Variants in ADGRV1 observed in about 807,000 individuals in gnomAD.
The protein encoded by ADGRV1 is adhesion G protein-coupled receptor V1, also known as G-protein coupled receptor 98.
ADGRV1 carries 359 observed loss-of-function variants against 596.2 expected under a neutral mutation model. The observed-to-expected ratio is 0.60, with a 90% CI of 0.55 to 0.66. The LOEUF is 0.66. ADGRV1 is among the 30% of genes least tolerant of loss of function. The pLI is 0.00. For synonymous variants in ADGRV1, 2,681 were observed against 2,679.2 expected (o/e 1.00, Z -0.02); for missense variants, 7,274 against 7,575.6 (o/e 0.96, Z 1.48).
intron 87 of ADGRV1, among the ~76,000 whole-genome samples, chr5:91,132,656 C>T (rs1179271292): frequency 6.6e-6 from 1 of 152,180 alleles, no homozygotes; most frequent in Non-Finnish European, 1.5e-5. Context: ...GGGGGAATTC[C>T]TGAGGAAGTG....
At chr5:90,722,277 A>C (rs1751146387) in intron 45 of ADGRV1, among the ~76,000 whole-genome samples, 1 of 152,124 alleles carries the variant, frequency 6.6e-6, no homozygotes, top group Non-Finnish European at 1.5e-5. Flanking sequence ...GTTGGATGGG[A>C]GAAGGGGTTC....
At position 90,637,827 on chromosome 5, in the gene ADGRV1, A is replaced by T. The variant is rs200897149; in HGVS notation, c.2119A>T (p.Ile707Leu). The part of the protein sequence containing the change: ...FNSKAVTPDD[I>L]GPFNGSVLFL... The stretch of plus-strand genomic sequence containing the variant: ...TTCAAAAGCAGTGACCCCGGATGAT[A>T]TAGGCCCCTTTAATGGCTCTGTTTT... The change falls in exon 11 of 90, where the codon ATA (isoleucine) becomes TTA (leucine). Residue 707 changes from isoleucine to leucine, a missense_variant. By Grantham distance (5) the Ile-to-Leu change is conservative. Coordinates refer to ENST00000405460, the MANE Select transcript of ADGRV1 (RefSeq NM_032119.4). 2.1e-4 allele frequency: 333 copies of T among 1,613,764 alleles called. 1 individual carries two copies. The African/African-American group carries it at 4.1e-3, about 20-fold the overall frequency.
At chr5:90,788,010 T>C in intron 67 of ADGRV1, 61 bp from the exon 68 acceptor site, 1 of 1,273,162 alleles carries the variant, frequency 7.9e-7, no homozygotes, top group Non-Finnish European at 1.1e-6. Context: ...TACCCTGAAA[T>C]AGTTTTTTGC....
chr5:90,593,648 G>A (rs1759835979), intron 1 of ADGRV1, among the ~76,000 whole-genome samples: 1 of 151,938 alleles, frequency 6.6e-6, no homozygotes, highest in Admixed American at 6.6e-5. Context: ...ACGCTGCTTG[G>A]GTGAGGGGTG....
chr5:90,777,483 A>G (rs1758370054), intron 61 of ADGRV1, among the ~76,000 whole-genome samples: 1 of 152,152 alleles, frequency 6.6e-6, no homozygotes, highest in South Asian at 2.1e-4. Flanking sequence ...GTTTGACTTT[A>G]TACTTTATCC....
intron 87 of ADGRV1, among the ~76,000 whole-genome samples, chr5:91,148,236 A>G (rs1451132017): frequency 6.6e-6 from 1 of 152,236 alleles, no homozygotes; most frequent in Non-Finnish European, 1.5e-5. Flanking sequence ...AGTAATGAGG[A>G]GCCAAATGTT....
intron 74 of ADGRV1, among the ~76,000 whole-genome samples, chr5:90,813,089 C>T (rs2438375): frequency 0.79 from 109,632 of 137,932 alleles, 46,620 homozygotes; most frequent in Non-Finnish European, 0.94. Flanking sequence ...GCCCAGATCA[C>T]GCCACTACAC....
intron 85 of ADGRV1, among the ~76,000 whole-genome samples, chr5:90,998,375 T>C (rs140086537): frequency 6.6e-6 from 1 of 152,260 alleles, no homozygotes; most frequent in East Asian, 1.9e-4. Context: ...ATGTGCACTT[T>C]CCAATTTACT....
At chr5:90,803,715 T>C (rs1343895839) in intron 71 of ADGRV1, among the ~76,000 whole-genome samples, 1 of 152,282 alleles carries the variant, frequency 6.6e-6, no homozygotes, top group East Asian at 1.9e-4. Flanking sequence ...TTAAAATAAC[T>C]GAGAGTAAAA....
At position 90,659,802 on chromosome 5, in the gene ADGRV1, G is replaced by A. The variant is rs181389493; in HGVS notation, c.4752+1524G>A. ...AATCCCAGCACTTCGGGATGCTGAG[G>A]CGGGCGGATCATGAGGTCAGAAGAT... On this transcript the variant is annotated intron_variant, in intron 21 of 89. Transcript: ENST00000405460. 1.9e-4 allele frequency among the ~76,000 whole-genome samples: 29 copies of A among 152,308 alleles called. No individual in the cohort carries two copies. The East Asian group carries it at 5.6e-3, about 29-fold the overall frequency.
intron 67 of ADGRV1, among the ~76,000 whole-genome samples, chr5:90,787,195 A>G (rs1759544790): frequency 6.6e-6 from 1 of 152,204 alleles, no homozygotes; most frequent in South Asian, 2.1e-4. Context: ...ATTAAGAAGC[A>G]AAAACAAGTG....
chr5:90,969,998 T>C (rs12653061), intron 84 of ADGRV1, among the ~76,000 whole-genome samples: 75,875 of 151,766 alleles, frequency 0.5, 20,537 homozygotes, highest in African/African-American at 0.71. Flanking sequence ...TGACGGACAG[T>C]ACCTGGAAAA....
chr5:90,624,876 T>G (rs909379027), intron 5 of ADGRV1, among the ~76,000 whole-genome samples: 1 of 129,820 alleles, frequency 7.7e-6, no homozygotes, highest in African/African-American at 2.5e-5. Context: ...AGTTTTTTTT[T>G]TCCCCTCAGG....
intron 83 of ADGRV1, chr5:90,899,256 A>G (rs958865293): frequency 6.6e-6 from 1 of 152,236 alleles, no homozygotes; most frequent in African/African-American, 2.4e-5. Flanking sequence ...TATATCAGAT[A>G]GCAAACTTGC....
intron 83 of ADGRV1, among the ~76,000 whole-genome samples, chr5:90,944,170 T>C (rs569887131): frequency 3.5e-4 from 53 of 152,304 alleles, no homozygotes; most frequent in Non-Finnish European, 6.0e-4. Context: ...ATTTATTTAG[T>C]ACATTAAGTA....
At chr5:91,023,032 GACTT>G (rs1459760408) in intron 85 of ADGRV1, among the ~76,000 whole-genome samples, 1 of 152,092 alleles carries the variant, frequency 6.6e-6, no homozygotes, top group Non-Finnish European at 1.5e-5. Flanking sequence ...GTTGTCTCAG[GACTT>G]ACTTATTTTT....
chr5:90,846,755 C>A (rs1311960127), intron 78 of ADGRV1, among the ~76,000 whole-genome samples: 1 of 152,166 alleles, frequency 6.6e-6, no homozygotes. Context: ...CAAGGGGACC[C>A]GAGCAGGTTG....
At chr5:90,637,999 T>A in intron 11 of ADGRV1, 51 bp downstream of exon 11, 1 of 1,289,314 alleles carries the variant, frequency 7.8e-7, no homozygotes. Flanking sequence ...TGAGTTCTCT[T>A]CAATAACTTT....
intron 86 of ADGRV1, among the ~76,000 whole-genome samples, chr5:91,080,819 C>T (rs979232246): frequency 2.0e-5 from 3 of 151,944 alleles, no homozygotes; most frequent in African/African-American, 7.3e-5. Context: ...TAGTATAGTT[C>T]CTGAAACATA....
Sources: allele counts gnomAD v4.1 joint callset (sites outside exome capture counted in the v4.1 genomes callset), GRCh38; gene constraint gnomAD v4.1.1; transcripts MANE v1.5; gene names NCBI Gene and HGNC (gene_info 2026-07-23, HGNC 2026-07-21).